Variants in ZNF730 observed in about 807,000 individuals in gnomAD.
ZNF730 encodes the protein zinc finger protein 730.
ZNF730 carries 12 observed loss-of-function variants against 12.6 expected under a neutral mutation model. That is an observed-to-expected ratio of 0.95 (90% CI 0.61 to 1.54). The LOEUF (loss-of-function observed/expected upper bound fraction) is 1.54, where lower values mean the gene tolerates loss of function less well. Ranked by LOEUF, ZNF730 falls within the 40% of genes most tolerant of loss-of-function variation. The pLI is 0.00. For synonymous variants in ZNF730, 194 were observed against 195.8 expected, an observed-to-expected ratio of 0.99 and a Z score of 0.08; for missense variants, 643 against 583.5, an observed-to-expected ratio of 1.10 and a Z score of -1.05.
At chr19:23,091,165 T>C (rs948915757) in intron 1 of ZNF730, among the ~76,000 whole-genome samples, 2 of 152,136 alleles carry the variant, frequency 1.3e-5, no homozygotes, top group African/African-American at 4.8e-5. Flanking sequence ...GGTGGAAGCC[T>C]CAAGCCTTGG....
At chr19:23,144,693 CT>C (rs1453624927) in intron 3 of ZNF730, among the ~76,000 whole-genome samples, 1 of 9,970 alleles carries the variant, frequency 1.0e-4, no homozygotes. Context: ...GAGCAAGACT[CT>C]TGTCTCAAAA....
rs558504059 is a variant in ZNF730, at chr19:23,146,010, G to T, written c.966G>T (p.Lys322Asn). The T allele has an allele frequency of 2.5e-6, 4 of 1,604,822 alleles. No homozygotes were observed. Among genetic ancestry groups the T allele is most frequent in the Middle Eastern group, 3.3e-4 (2 of 5,982 alleles). Residue 322 changes from lysine to asparagine, a missense_variant, in exon 4 of 4, where the codon AAG (lysine) becomes AAT (asparagine). By Grantham distance (94) the Lys-to-Asn change is moderately conservative. Transcript: ENST00000597761. ...GCGAAAAATGTGGCAAAGCTTTTAA[G>T]TGGTCCTCAACCCTTACAAAACATA... The part of the protein sequence containing the change: ...YKCEKCGKAF[K>N]WSSTLTKHKR...
Position 23,146,670 on chromosome 19 carries a change from C to A in ZNF730, c.*114C>A, listed in dbSNP as rs1599605230. On this transcript the variant is annotated 3_prime_UTR_variant, in exon 4 of 4. Coordinates refer to ENST00000597761, the MANE Select transcript of ZNF730 (RefSeq NM_001277403.2). ...GTGAAGAATGTGGCAAAGCTTTTAA[C>A]CAGTCCTCAAATCTTACTAAACATA... The A allele has an allele frequency of 6.6e-7, 1 of 1,523,764 alleles. No individual in the cohort carries two copies. Among genetic ancestry groups the A allele is most frequent in the Admixed American group, 1.7e-5 (1 of 59,860 alleles). 94.4% of individuals were successfully genotyped at this position (1,523,764 alleles called of 1,614,324 possible). A position where few individuals can be genotyped will look rare whatever the true frequency, so the allele number is the denominator to read the frequency against.
intron 1 of ZNF730, among the ~76,000 whole-genome samples, chr19:23,104,301 C>CAAA (rs56332917): frequency 4.2e-5 from 4 of 95,882 alleles, no homozygotes; most frequent in South Asian, 3.7e-4. Flanking sequence ...GACTCCATCT[C>CAAA]AAAAAAAAAA....
chr19:23,099,645 T>C (rs1970306099), intron 1 of ZNF730, among the ~76,000 whole-genome samples: 1 of 152,174 alleles, frequency 6.6e-6, no homozygotes, highest in Non-Finnish European at 1.5e-5. Context: ...AAATTGAGGC[T>C]CTCATACACA....
At chr19:23,107,817 G>T (rs796632275) in intron 1 of ZNF730, among the ~76,000 whole-genome samples, 1 of 148,748 alleles carries the variant, frequency 6.7e-6, no homozygotes, top group South Asian at 2.1e-4. Context: ...AATATTCCAA[G>T]AGGAGTATTA....
At position 23,134,104 on chromosome 19, in the gene ZNF730, G is replaced by C; in HGVS notation, c.28G>C (p.Ala10Pro). MGALTFRDV[A>P]IEFSLEEWQC... Reference sequence around the variant, plus strand: ...GGGAGCGTTGACATTTAGAGATGTGGCCATAGAATTCTCTCTGGAGGAGTG... The same window carrying C: ...GGGAGCGTTGACATTTAGAGATGTGCCCATAGAATTCTCTCTGGAGGAGTG... The change falls in exon 2 of 4, where the codon GCC (alanine) becomes CCC (proline). Residue 10 changes from alanine (A) to proline (P), a missense_variant. Physicochemically the swap from Ala to Pro is conservative, Grantham distance 27. Coordinates refer to ENST00000597761, the MANE Select transcript of ZNF730 (RefSeq NM_001277403.2). 6.2e-7 allele frequency: 1 copy of C among 1,613,514 alleles called. No homozygotes were observed.
intron 3 of ZNF730, among the ~76,000 whole-genome samples, chr19:23,139,191 G>C: frequency 6.6e-6 from 1 of 151,790 alleles, no homozygotes; most frequent in East Asian, 1.9e-4. Context: ...TCAAATATTT[G>C]GTTTATATAT....
chr19:23,116,957 C>CT (rs1970536470), upstream of ZNF730: 1 of 120,796 alleles, frequency 8.3e-6, no homozygotes, highest in African/African-American at 3.7e-5. Flanking sequence ...ATCGGGGACA[C>CT]TGGGCGGGGG....
chr19:23,095,164 C>G, intron 1 of ZNF730: 1 of 387,782 alleles, frequency 2.6e-6, no homozygotes, highest in East Asian at 3.7e-5. Flanking sequence ...GGTAATGTGA[C>G]TATCTTACTG....
At chr19:23,077,362 C>G (rs1382257959) in intron 1 of ZNF730, among the ~76,000 whole-genome samples, 1 of 142,434 alleles carries the variant, frequency 7.0e-6, no homozygotes, top group East Asian at 2.3e-4. Context: ...TCCCAATGTG[C>G]TGGGATTACA....
chr19:23,113,093 A>G (rs184425990), upstream of ZNF730, among the ~76,000 whole-genome samples: 48 of 152,368 alleles, frequency 3.2e-4, no homozygotes, highest in African/African-American at 1.0e-3. Flanking sequence ...TACTTACTGT[A>G]TAAACAGAAG....
chr19:23,082,221 A>G (rs965787018), intron 1 of ZNF730, among the ~76,000 whole-genome samples: 18 of 152,144 alleles, frequency 1.2e-4, no homozygotes, highest in Admixed American at 3.3e-4. Context: ...CTTTGCTTCT[A>G]TAAACCCTTT....
chr19:23,086,033 C>T (rs182104776), intron 1 of ZNF730, among the ~76,000 whole-genome samples: 3 of 151,704 alleles, frequency 2.0e-5, no homozygotes, highest in South Asian at 4.2e-4. Context: ...TTAATAGAGA[C>T]GGGGTTTCAC....
chr19:23,109,675 A>G (rs1279130128), intron 1 of ZNF730, among the ~76,000 whole-genome samples: 2 of 152,024 alleles, frequency 1.3e-5, no homozygotes, highest in Non-Finnish European at 2.9e-5. Context: ...AGGCTCCCCA[A>G]GTGCTGGGAT....
At chr19:23,084,157 C>T (rs1017847175) in intron 1 of ZNF730, among the ~76,000 whole-genome samples, 2 of 152,080 alleles carry the variant, frequency 1.3e-5, no homozygotes, top group Middle Eastern at 3.2e-3. Flanking sequence ...ATTTTCCCTG[C>T]CATTTGTTGA....
At chr19:23,078,822 T>G (rs1178270164) in intron 1 of ZNF730, among the ~76,000 whole-genome samples, 1 of 152,164 alleles carries the variant, frequency 6.6e-6, no homozygotes, top group Admixed American at 6.5e-5. Context: ...TTTTTTTTTT[T>G]GAAATGGAGT....
rs946763060 is a variant in ZNF730, at chr19:23,144,714, A to AAAAAAAC, written c.227-555_227-554insAAAACAA. ...GACTCTTGTCTCAAAAAAAAAAAAA[A>AAAAAAAC]AATTAGTAATCACTTGCTACATTTG... On this transcript the variant is annotated intron_variant, in intron 3 of 3. Coordinates refer to ENST00000597761, the MANE Select transcript of ZNF730 (RefSeq NM_001277403.2). 6.3e-4 allele frequency among the ~76,000 whole-genome samples: 96 copies of AAAAAAAC among 151,388 alleles called. 2 individuals carry two copies. Among genetic ancestry groups the AAAAAAAC allele is most frequent in the Middle Eastern group, 6.8e-3 (2 of 294 alleles).
At chr19:23,105,559 T>C (rs1162707453) in intron 1 of ZNF730, among the ~76,000 whole-genome samples, 2 of 152,002 alleles carry the variant, frequency 1.3e-5, no homozygotes, top group Admixed American at 1.3e-4. Context: ...TAAAGAAAAA[T>C]TGCAAGGACT....
Sources: gnomAD v4.1 joint callset for allele counts (sites outside exome capture counted in the v4.1 genomes callset) on GRCh38, gnomAD v4.1.1 for gene constraint, MANE v1.5 for transcripts, NCBI Gene and HGNC (gene_info 2026-07-23, HGNC 2026-07-21) for gene names.